Variants in SMARCC2 observed in about 807,000 individuals in gnomAD.
SMARCC2 encodes SWI/SNF complex subunit SMARCC2.
In SMARCC2, 15 loss-of-function variants were observed where a neutral mutation model predicts 151.3. That is an observed-to-expected ratio of 0.10 (90% CI 0.07 to 0.15). The LOEUF (loss-of-function observed/expected upper bound fraction) is 0.15, where lower values mean the gene tolerates loss of function less well. SMARCC2 is among the 10% of genes least tolerant of loss of function. The pLI, the probability that SMARCC2 is intolerant of heterozygous loss-of-function variation, is 1.00. For synonymous variants in SMARCC2, 590 were observed against 609.5 expected (o/e 0.97, Z 0.47); for missense variants, 1,031 against 1,599.7 (o/e 0.64, Z 6.06).
rs1192991778 is a variant in SMARCC2 at position 56,181,652 on chromosome 12, G to T, written c.840+52C>A. The stretch of plus-strand genomic sequence containing the variant: ...AGCCTACAATCCCCACTGAAGATTT[G>T]TTCTGAGACTTATGCTAAGGGCGCC... On this transcript the variant is annotated intron_variant, in intron 9 of 28. Transcript: ENST00000550164. The T allele has an allele frequency of 1.9e-6, 3 of 1,613,486 alleles. No homozygotes were observed. In the African/African-American group the frequency reaches 4.0e-5, roughly 22 times the overall value.
chr12:56,170,188 C>T lies in SMARCC2; in HGVS notation c.2368G>A (p.Ala790Thr). The part of the protein sequence containing the change: ...ERIEESGNDE[A>T]RVEGQATDEK... ...TCTGTGGCCTGGCCTTCCACCCGAG[C>T]CTCGTCATTCCCGCTCTCCTCTGGG... Residue 790 changes from alanine to threonine, a missense_variant, in exon 23 of 29, where the codon GCT becomes ACT. Around this residue, in one of 12 missense-constraint regions of SMARCC2, gnomAD observed 119 missense variants for 184.2 expected, o/e 0.65. Coordinates refer to ENST00000550164, the MANE Select transcript of SMARCC2 (RefSeq NM_001330288.2). 1 of 1,613,832 alleles carries T rather than the reference C, an allele frequency of 6.2e-7. No homozygotes were observed. Among genetic ancestry groups the T allele is most frequent in the Non-Finnish European group, 8.5e-7 (1 of 1,179,782 alleles).
chr12:56,177,279 G>A (rs181441941), intron 15 of SMARCC2, among the ~76,000 whole-genome samples: 5 of 152,054 alleles, frequency 3.3e-5, no homozygotes, highest in Admixed American at 6.5e-5. Context: ...GGGTCTTGCC[G>A]TGTCAGCCAG....
At chr12:56,186,340 T>C (rs889566138) in intron 2 of SMARCC2, 100 bp from the exon 3 acceptor site, 85 of 736,480 alleles carry the variant, frequency 1.2e-4, no homozygotes, top group Non-Finnish European at 1.4e-4. Context: ...CCATGCTGAA[T>C]TGATCTCCCT....
At chr12:56,173,671 C>T in intron 17 of SMARCC2, 25 bp downstream of exon 17, 1 of 1,585,286 alleles carries the variant, frequency 6.3e-7, no homozygotes, top group Non-Finnish European at 8.6e-7. Flanking sequence ...CCAACCCGCC[C>T]CATCCCCATA....
chr12:56,186,985 A>G (rs1592328768), intron 2 of SMARCC2: 2 of 496,428 alleles, frequency 4.0e-6, no homozygotes, highest in East Asian at 7.3e-5. Flanking sequence ...AATTTGTTGC[A>G]CAAAATATTA....
At position 56,182,098 on chromosome 12, in the gene SMARCC2, C is replaced by A; in HGVS notation, c.633-19G>T. The A allele has an allele frequency of 6.3e-7, 1 of 1,576,592 alleles. No individual in the cohort carries two copies. The highest frequency in any genetic ancestry group is 1.1e-5 in the South Asian group (1 of 89,622). ...GTCGTAACTGCCATGGGAAATTGAG[C>A]ACACAGTAGAATCAATGGGATAGAA... On this transcript the variant is annotated intron_variant, in intron 7 of 28. Transcript: ENST00000550164.
At position 56,178,802 on chromosome 12, in the gene SMARCC2, G is replaced by A. The variant is rs1334497698; in HGVS notation, c.1179+8C>T. ...TAGAGAGGTAGGGCCTCTCTAAACT[G>A]GCTCCACCTTGCCCGTCGTCTCCAT... is the stretch of plus-strand genomic sequence containing the variant. On this transcript the variant is annotated splice_region_variant and intron_variant, in intron 13 of 28. Coordinates refer to ENST00000550164, the MANE Select transcript of SMARCC2 (RefSeq NM_001330288.2). 6.2e-7 allele frequency: 1 copy of A among 1,613,298 alleles called. No individual in the cohort carries two copies. Among genetic ancestry groups the A allele is most frequent in the East Asian group, 2.2e-5 (1 of 44,886 alleles).
chr12:56,184,896 T>G lies in SMARCC2; in HGVS notation c.440A>C (p.Glu147Ala). 6.2e-7 allele frequency: 1 copy of G among 1,613,666 alleles called. No homozygotes were observed. The highest frequency in any genetic ancestry group is 8.5e-7 in the Non-Finnish European group (1 of 1,179,604). ...LSRPNIFLCP[E>A]IEPKLLGKLK... ...TTTCCCTAGTAGTTTGGGCTCAATT[T>G]CTGGGCACAGAAAAATGTTAGGTCG... The change falls in exon 5 of 29, where the codon GAA (glutamate) becomes GCA (alanine). Residue 147 changes from glutamate to alanine, a missense_variant. Coordinates refer to ENST00000550164, the MANE Select transcript of SMARCC2 (RefSeq NM_001330288.2).
In SMARCC2 at chr12:56,165,488, G is replaced by A; in HGVS notation, c.3062C>T (p.Pro1021Leu). Residue 1021 changes from proline (P) to leucine (L), a missense_variant, in exon 27 of 29, where the codon CCA (proline) becomes CTA (leucine). Around this residue, in one of 12 missense-constraint regions of SMARCC2, gnomAD observed 310 missense variants for 350.0 expected, o/e 0.89. Transcript: ENST00000550164. ...PPAVHGLAVA[P>L]ASVVPAPAGS... ...AGCAGGAGCAGGGACTACAGAGGCT[G>A]GAGCCACAGCCAAGCCATGGACTGC... 6.3e-7 allele frequency: 1 copy of A among 1,576,894 alleles called. No individual in the cohort carries two copies. Among genetic ancestry groups the A allele is most frequent in the Non-Finnish European group, 8.6e-7 (1 of 1,161,050 alleles).
chr12:56,170,506 GC>G (rs1248190105), intron 22 of SMARCC2, among the ~76,000 whole-genome samples: 1 of 150,480 alleles, frequency 6.6e-6, no homozygotes, highest in Non-Finnish European at 1.5e-5. Context: ...GCTCACTGCA[GC>G]CTTGACTTCC....
chr12:56,174,266 T>G (rs1186922961), intron 16 of SMARCC2, among the ~76,000 whole-genome samples: 2 of 152,104 alleles, frequency 1.3e-5, no homozygotes, highest in Non-Finnish European at 2.9e-5. Context: ...CGTGCCACCA[T>G]GCCTAGCTAA....
At position 56,179,066 on chromosome 12, in the gene SMARCC2, C is replaced by G. The variant is rs201391517; in HGVS notation, c.1082-10G>C. 3.0e-5 allele frequency: 49 copies of G among 1,613,752 alleles called. No individual in the cohort carries two copies. The highest frequency in any genetic ancestry group is 4.2e-5 in the Non-Finnish European group (49 of 1,179,696). ...TCTTTCTTTGTGTTGACTGCGAAAA[C>G]AGAGAGTCATTTTATCAGACAGATT... On this transcript the variant is annotated splice_polypyrimidine_tract_variant and intron_variant, in intron 11 of 28. Coordinates refer to ENST00000550164, the MANE Select transcript of SMARCC2 (RefSeq NM_001330288.2).
In SMARCC2 at chr12:56,187,326, G is replaced by T. The variant is rs182127167; in HGVS notation, c.112-20C>A. 1 of 1,602,640 alleles carries T rather than the reference G, an allele frequency of 6.2e-7. No homozygotes were observed. On this transcript the variant is annotated intron_variant, in intron 1 of 28. Transcript: ENST00000550164. ...TATATACTAAGGAAAAAGAGGGAAAGGAAAGAAAAATAGATCTCAGATAAA... is the reference window on the plus strand; with the variant it reads ...TATATACTAAGGAAAAAGAGGGAAATGAAAGAAAAATAGATCTCAGATAAA...
rs373486080 is a variant in SMARCC2 at position 56,181,050 on chromosome 12, T to C, written c.1008A>G (p.Gln336=). ...CGTCCATGTCCTTTGTCAGGTCTTC[T>C]TGCTCCTCTTCTCTGTGGCCACGCT... ...KSKRGHREEE[Q]EDLTKDMDEP... Residue 336 remains glutamine, a synonymous_variant, in exon 11 of 29, where the codon CAA becomes CAG. Coordinates refer to ENST00000550164, the MANE Select transcript of SMARCC2 (RefSeq NM_001330288.2). 1.9e-6 allele frequency: 3 copies of C among 1,613,884 alleles called. No individual in the cohort carries two copies. Among genetic ancestry groups the C allele is most frequent in the African/African-American group, 2.7e-5 (2 of 74,886 alleles).
At chr12:56,179,982 G>A (rs1875826046) in intron 11 of SMARCC2, among the ~76,000 whole-genome samples, 1 of 152,064 alleles carries the variant, frequency 6.6e-6, no homozygotes. Flanking sequence ...ACCGCGCCCT[G>A]ATTCTTCATG....
rs1874247557 is a variant in SMARCC2 at position 56,173,026 on chromosome 12, G to A, written c.1654C>T (p.Arg552Cys). ...VPLQPKTPQG[R>C]QVDADTKAGR... is the part of the protein sequence containing the mutation. ...GCCTTGGTATCAGCATCAACCTGGC[G>A]GCCCTGGGGGACAGAGCTTGGCGTC... is the stretch of plus-strand genomic sequence containing the variant. Residue 552 changes from arginine to cysteine, a missense_variant, in exon 18 of 29, where the codon CGC becomes TGC. Arg to Cys is a radical substitution (Grantham distance 180). Around this residue, in one of 12 missense-constraint regions of SMARCC2, gnomAD observed 99 missense variants for 148.3 expected, o/e 0.67. Transcript: ENST00000550164. 3 of 1,613,960 alleles carry A rather than the reference G, an allele frequency of 1.9e-6. No individual in the cohort carries two copies. Among genetic ancestry groups the A allele is most frequent in the Non-Finnish European group, 2.5e-6 (3 of 1,179,988 alleles).
chr12:56,178,836 C>T lies in SMARCC2; in HGVS notation c.1153G>A (p.Asp385Asn), dbSNP rs775596014. The change falls in exon 13 of 29, where the codon GAT becomes AAT. Residue 385 changes from aspartate to asparagine, a missense_variant. Asp to Asn is a conservative substitution (Grantham distance 23). Coordinates refer to ENST00000550164, the MANE Select transcript of SMARCC2 (RefSeq NM_001330288.2). ...TTGCCCGTCGTCTCCATGCTTTCAT[C>T]TTCCTGTTCATCTGAAAGAGAAAAA... Reference protein sequence around the residue: ...GTMTDLDEQEDESMETTGKDE... With the variant: ...GTMTDLDEQENESMETTGKDE... 1.2e-6 allele frequency: 2 copies of T among 1,614,178 alleles called. No homozygotes were observed. Among genetic ancestry groups the T allele is most frequent in the Non-Finnish European group, 1.7e-6 (2 of 1,179,982 alleles).
chr12:56,167,285 T>C (rs1872971897), intron 26 of SMARCC2, among the ~76,000 whole-genome samples: 2 of 152,110 alleles, frequency 1.3e-5, no homozygotes, highest in African/African-American at 4.8e-5. Flanking sequence ...GAGGCGGACG[T>C]TGTGGTGAGC....
At chr12:56,189,160 A>C (rs1592334556) in intron 1 of SMARCC2, among the ~76,000 whole-genome samples, 191 bp downstream of exon 1, 1 of 82,718 alleles carries the variant, frequency 1.2e-5, no homozygotes, top group Admixed American at 1.5e-4. Context: ...CTGGGCTCAG[A>C]GGCTGGGGGT....
Sources: allele counts gnomAD v4.1 joint callset (sites outside exome capture counted in the v4.1 genomes callset), GRCh38; gene constraint gnomAD v4.1.1; regional missense constraint gnomAD v4.1.1; transcripts MANE v1.5; gene names NCBI Gene and HGNC (gene_info 2026-07-23, HGNC 2026-07-21).